The following FGD5 variants were observed in gnomAD, a reference collection of about 807,000 sequenced individuals.
FGD5 encodes FYVE, RhoGEF and PH domain containing 5.
A neutral mutation model predicts 133.4 loss-of-function variants in FGD5; 28 were observed. The observed-to-expected ratio is 0.21, with a 90% confidence interval of 0.16 to 0.29. The LOEUF is 0.29. FGD5 is among the 10% of genes least tolerant of loss of function. The pLI is 1.00. For missense variants in FGD5, 1,858 were observed against 1,895.2 expected (o/e 0.98, Z 0.36); for synonymous variants, 810 against 776.5 (o/e 1.04, Z -0.72).
intron 4 of FGD5, among the ~76,000 whole-genome samples, chr3:14,888,262 A>T (rs573674035): frequency 2.3e-4 from 35 of 152,312 alleles, no homozygotes; most frequent in Admixed American, 7.8e-4. Flanking sequence ...CCAGACATTA[A>T]GCACAGTCTT....
At chr3:14,870,541 C>T (rs2037586415) in intron 2 of FGD5, among the ~76,000 whole-genome samples, 1 of 152,230 alleles carries the variant, frequency 6.6e-6, no homozygotes, top group African/African-American at 2.4e-5. Flanking sequence ...TGACAGTCCT[C>T]TCCTGGTTCT....
In FGD5 at chr3:14,819,070, C is replaced by T; in HGVS notation, c.-2C>T. The T allele has an allele frequency of 6.5e-7, 1 of 1,546,428 alleles. No homozygotes were observed. The highest frequency in any genetic ancestry group is 8.7e-7 in the Non-Finnish European group (1 of 1,145,744). The stretch of plus-strand genomic sequence containing the variant: ...CCCGAGAGTCTTCACAGTCCAAACT[C>T]CATGTTCAGGGGTCCGAAGCCCCCC... On this transcript the variant is annotated 5_prime_UTR_variant, in exon 1 of 20. Transcript: ENST00000285046. This position sits in a 1 kb window ranked among gnomAD's most constrained non-coding sequence, Gnocchi z 4.1.
chr3:14,879,569 G>GCTCA (rs1237754394), intron 2 of FGD5, among the ~76,000 whole-genome samples: 1 of 152,182 alleles, frequency 6.6e-6, no homozygotes, highest in Non-Finnish European at 1.5e-5. Context: ...ATGTGCGCTC[G>GCTCA]CTCACTCACT....
intron 17 of FGD5, among the ~76,000 whole-genome samples, chr3:14,925,110 A>G (rs1372490839): frequency 7.4e-6 from 1 of 134,526 alleles, no homozygotes. Flanking sequence ...CAAAAAAAAA[A>G]AAAAAAAAAA....
intron 9 of FGD5, among the ~76,000 whole-genome samples, chr3:14,904,729 AC>A (rs1424723412): frequency 1.3e-5 from 2 of 152,240 alleles, no homozygotes; most frequent in Non-Finnish European, 1.5e-5. Context: ...TCCTTAGCTG[AC>A]AGCAAAGAAA....
chr3:14,889,560 A>T (rs773884385), intron 4 of FGD5, among the ~76,000 whole-genome samples: 1 of 152,216 alleles, frequency 6.6e-6, no homozygotes, highest in Non-Finnish European at 1.5e-5. Flanking sequence ...GTATTTACCC[A>T]GGAGAGGAAT....
chr3:14,879,566 C>T (rs1036615241), intron 2 of FGD5, among the ~76,000 whole-genome samples: 20 of 152,350 alleles, frequency 1.3e-4, no homozygotes, highest in African/African-American at 4.8e-4. Flanking sequence ...TGAATGTGCG[C>T]TCGCTCACTC....
In FGD5 at chr3:14,922,638, A is replaced by T; in HGVS notation, c.3807+90A>T. The T allele has an allele frequency of 6.7e-7, 1 of 1,488,678 alleles. No individual in the cohort carries two copies. The highest frequency in any genetic ancestry group is 9.0e-7 in the Non-Finnish European group (1 of 1,114,364). The allele number at this position is 1,488,678 out of a possible 1,614,324, so 92.2% of individuals were successfully genotyped here. Reference sequence around the variant, plus strand: ...CCCAGCCGGGGGCTCAGGGATGTCCAGCAGCTACTGTAAGCCCCAGAGTGA... The same window carrying T: ...CCCAGCCGGGGGCTCAGGGATGTCCTGCAGCTACTGTAAGCCCCAGAGTGA... On this transcript the variant is annotated intron_variant, in intron 15 of 19. Transcript: ENST00000285046. The surrounding 1 kb of genome is among the most constrained non-coding windows in gnomAD (Gnocchi z 4.1).
intron 13 of FGD5, among the ~76,000 whole-genome samples, chr3:14,920,802 G>A (rs1004593966): frequency 6.6e-6 from 1 of 152,212 alleles, no homozygotes; most frequent in African/African-American, 2.4e-5. Flanking sequence ...AGGTGGAACT[G>A]GAGTTTGAAC....
intron 2 of FGD5, among the ~76,000 whole-genome samples, chr3:14,870,148 TGGCATGAGGGAGCCC>T (rs2037577999): frequency 3.3e-5 from 2 of 61,364 alleles, no homozygotes; most frequent in African/African-American, 7.0e-5. Context: ...GGAGCCCGAA[TGGCATGAGGGAGCCC>T]GCACTGTGAA....
At chr3:14,907,510 T>G in intron 9 of FGD5, 130 bp from the exon 10 acceptor site, 1 of 735,566 alleles carries the variant, frequency 1.4e-6, no homozygotes, top group Non-Finnish European at 2.2e-6. Context: ...GTACAGGAGG[T>G]TGGATTTGGG....
intron 11 of FGD5, among the ~76,000 whole-genome samples, chr3:14,912,699 A>G (rs2038473296): frequency 6.6e-6 from 1 of 152,198 alleles, no homozygotes; most frequent in Non-Finnish European, 1.5e-5. Context: ...TTGGAGTCCA[A>G]TAGTGGAAGA....
chr3:14,820,847 T>C lies in FGD5; in HGVS notation c.1776T>C (p.Ser592=). ...CTCTGTCGTGTGTAATTGGCTCCTC[T>C]GGGAGTTTCTCCCAGAGAAACCACC... The part of the protein sequence containing the change: ...NLSLSCVIGS[S]GSFSQRNHLP... The change falls in exon 1 of 20, where the codon TCT becomes TCC. Residue 592 remains serine (S), a synonymous_variant. Transcript: ENST00000285046. 1.2e-6 allele frequency: 2 copies of C among 1,613,776 alleles called. No homozygotes were observed. Among genetic ancestry groups the C allele is most frequent in the South Asian group, 1.1e-5 (1 of 91,058 alleles).
intron 11 of FGD5, among the ~76,000 whole-genome samples, chr3:14,913,232 C>G (rs779776282): frequency 6.6e-6 from 1 of 152,168 alleles, no homozygotes; most frequent in Non-Finnish European, 1.5e-5. Flanking sequence ...GAATTAAATT[C>G]CTGGCATTTA....
chr3:14,899,328 C>T (rs375769237), intron 7 of FGD5, among the ~76,000 whole-genome samples: 3 of 152,274 alleles, frequency 2.0e-5, no homozygotes, highest in African/African-American at 2.4e-5. Flanking sequence ...GCTCCATAAA[C>T]GTCAGAGCTT....
At chr3:14,882,346 A>G in intron 4 of FGD5, 1 of 985,202 alleles carries the variant, frequency 1.0e-6, no homozygotes, top group Non-Finnish European at 1.2e-6. Flanking sequence ...AAAGACATTG[A>G]AGCCCCTGGT....
chr3:14,835,097 T>C (rs1277369390), intron 1 of FGD5, among the ~76,000 whole-genome samples: 1 of 152,170 alleles, frequency 6.6e-6, no homozygotes, highest in Non-Finnish European at 1.5e-5. Flanking sequence ...CCAGCGGTGC[T>C]TTCCCCTGGC....
At chr3:14,832,621 C>A (rs1339527092) in intron 1 of FGD5, among the ~76,000 whole-genome samples, 1 of 151,998 alleles carries the variant, frequency 6.6e-6, no homozygotes, top group African/African-American at 2.4e-5. Context: ...TTCAGAGTGG[C>A]GGCATGACTT....
In FGD5 at chr3:14,917,246, C is replaced by T; in HGVS notation, c.3406-3C>T. Reference sequence around the variant, plus strand: ...TCCTCTCATAGGGTTTCCCTCTCTCCAGATGAACGATGTGCTCCTGTACAC... The same window carrying T: ...TCCTCTCATAGGGTTTCCCTCTCTCTAGATGAACGATGTGCTCCTGTACAC... On this transcript the variant is annotated splice_polypyrimidine_tract_variant and splice_region_variant and intron_variant, in intron 11 of 19. Transcript: ENST00000285046. The surrounding 1 kb of genome is among the most constrained non-coding windows in gnomAD (Gnocchi z 4.1). The T allele has an allele frequency of 6.2e-7, 1 of 1,612,890 alleles. No homozygotes were observed. The highest frequency in any genetic ancestry group is 8.5e-7 in the Non-Finnish European group (1 of 1,179,478).
Sources: allele counts gnomAD v4.1 joint callset (sites outside exome capture counted in the v4.1 genomes callset), GRCh38; gene constraint gnomAD v4.1.1; non-coding constraint Gnocchi (gnomAD v3.1); transcripts MANE v1.5; gene names NCBI Gene and HGNC (gene_info 2026-07-23, HGNC 2026-07-21).